Variants in SAMD9 observed in about 807,000 individuals in gnomAD.
The protein encoded by SAMD9 is sterile alpha motif domain containing 9, also known as sterile alpha motif domain-containing protein 9.
Under a neutral mutation model 1.5 loss-of-function variants are expected in SAMD9, and 3 were observed. The ratio of observed to expected loss-of-function variants is 2.05; its 90% confidence interval spans 0.93 to 5.29. The LOEUF (loss-of-function observed/expected upper bound fraction) is 5.29, where lower values mean the gene tolerates loss of function less well. Among genes scored for constraint, SAMD9 ranks in the 30% most tolerant of loss-of-function variants. The pLI, the probability that SAMD9 is intolerant of heterozygous loss-of-function variation, is 0.02. For missense variants in SAMD9, 1,597 were observed against 1,820.8 expected, an observed-to-expected ratio of 0.88 and a Z score of 2.24; for synonymous variants, 635 against 631.9, an observed-to-expected ratio of 1.00 and a Z score of -0.07.
chr7:93,108,504 T>C (rs1280635604), intron 2 of SAMD9, among the ~76,000 whole-genome samples: 1 of 152,172 alleles, frequency 6.6e-6, no homozygotes, highest in African/African-American at 2.4e-5. Flanking sequence ...GGGCAGGGCA[T>C]CGCATCCCAC....
chr7:93,110,882 C>T (rs1365209447), intron 2 of SAMD9, among the ~76,000 whole-genome samples: 34 of 152,188 alleles, frequency 2.2e-4, no homozygotes, highest in Non-Finnish European at 4.4e-4. Flanking sequence ...CCACTGTCAA[C>T]ATTAGACAGA....
chr7:93,105,868 G>T lies in SAMD9; in HGVS notation c.230C>A (p.Thr77Lys), dbSNP rs753119804. 6.2e-7 allele frequency: 1 copy of T among 1,614,096 alleles called. No homozygotes were observed. Among genetic ancestry groups the T allele is most frequent in the South Asian group, 1.1e-5 (1 of 91,072 alleles). Residue 77 changes from threonine to lysine, a missense_variant, in exon 3 of 3, where the codon ACA (threonine) becomes AAA (lysine). Thr to Lys is a moderately conservative substitution (Grantham distance 78). This residue lies in a region of SAMD9 where 498 missense variants were observed against 457.4 expected (regional missense o/e 1.09). Coordinates refer to ENST00000379958, the MANE Select transcript of SAMD9 (RefSeq NM_017654.4). ...TGTCTGAATCGAATCTTCAATGGCT[G>T]TTTTCCGCAATTCTTTGAATAGTTC... Reference protein sequence around the residue: ...IEELFKELRKTAIEDSIQTSK... With the variant: ...IEELFKELRKKAIEDSIQTSK...
Position 93,102,497 on chromosome 7 carries a change from T to C in SAMD9, c.3601A>G (p.Ile1201Val), listed in dbSNP as rs771916377. Residue 1201 changes from isoleucine to valine, a missense_variant, in exon 3 of 3, where the codon ATA becomes GTA. This residue lies in a region of SAMD9 where 682 missense variants were observed against 810.0 expected (regional missense o/e 0.84). Coordinates refer to ENST00000379958, the MANE Select transcript of SAMD9 (RefSeq NM_017654.4). ...TGGATTGTGTAAAGCCCAACTTCTA[T>C]CTCTCCTTGATAACCAGCTATATTG... ...TYNIAGYQGE[I>V]EVGLYTIQIL... 2.5e-6 allele frequency: 4 copies of C among 1,613,758 alleles called. No individual in the cohort carries two copies. Among genetic ancestry groups the C allele is most frequent in the Non-Finnish European group, 3.4e-6 (4 of 1,179,732 alleles).
At position 93,104,367 on chromosome 7, in the gene SAMD9, A is replaced by T. The variant is rs1321655442; in HGVS notation, c.1731T>A (p.Cys577Ter). The T allele has an allele frequency of 6.2e-6, 10 of 1,613,788 alleles. No homozygotes were observed. The highest frequency in any genetic ancestry group is 8.5e-6 in the Non-Finnish European group (10 of 1,179,870). ...ATCCCTGAAATATGTGTGGGTGCAC[A>T]CAAATACACAGTATATTTTCCATTC... ...LKGMENILCI[C>*]VHPHIFQGWK... Residue 577 changes from cysteine to a stop codon, truncating the protein, a stop_gained, in exon 3 of 3, where the codon TGT (cysteine) becomes TGA (stop). Coordinates refer to ENST00000379958, the MANE Select transcript of SAMD9 (RefSeq NM_017654.4). LOFTEE classifies it low-confidence loss of function (END_TRUNC).
intron 2 of SAMD9, among the ~76,000 whole-genome samples, chr7:93,112,185 A>T (rs1352863979): frequency 1.3e-5 from 2 of 152,202 alleles, no homozygotes; most frequent in Admixed American, 1.3e-4. Flanking sequence ...CATCATATAA[A>T]CAGAACCAAA....
intron 2 of SAMD9, among the ~76,000 whole-genome samples, chr7:93,106,640 C>T (rs535856174): frequency 2.6e-4 from 39 of 152,294 alleles, no homozygotes; most frequent in African/African-American, 8.7e-4. Context: ...ATGAGACACA[C>T]ATGAAGCATT....
chr7:93,105,965 C>T lies in SAMD9; in HGVS notation c.133G>A (p.Val45Ile), dbSNP rs1192596060. Residue 45 changes from valine (V) to isoleucine (I), a missense_variant, in exon 3 of 3, where the codon GTC becomes ATC. By Grantham distance (29) the Val-to-Ile change is conservative. This residue lies in a region of SAMD9 where 498 missense variants were observed against 457.4 expected (regional missense o/e 1.09). Transcript: ENST00000379958. ...TGTTCTTTTTTTAACCACTTCAAGA[C>T]TGCTCCATTCACGTCTTGTTCAGTC... ...ILTEQDVNGA[V>I]LKWLKKEHLV... 1 of 1,607,330 alleles carries T rather than the reference C, an allele frequency of 6.2e-7. No homozygotes were observed. The highest frequency in any genetic ancestry group is 1.7e-5 in the Admixed American group (1 of 59,192).
rs1182426012 is a variant in SAMD9 at position 93,101,878 on chromosome 7, G to A, written c.4220C>T (p.Pro1407Leu). ...AAGCTGATCTTTTAGTTTTTCAACT[G>A]GCTTTACTAATCTGGAGGTAGGTTG... is the stretch of plus-strand genomic sequence containing the variant. The part of the protein sequence containing the change: ...CIQPTSRLVK[P>L]VEKLKDQLRE... Residue 1407 changes from proline (P) to leucine (L), a missense_variant, in exon 3 of 3, where the codon CCA becomes CTA. Physicochemically the swap from Pro to Leu is moderately conservative, Grantham distance 98 (BLOSUM62 -3). Coordinates refer to ENST00000379958, the MANE Select transcript of SAMD9 (RefSeq NM_017654.4). 1 of 1,613,792 alleles carries A rather than the reference G, an allele frequency of 6.2e-7. No individual in the cohort carries two copies. Among genetic ancestry groups the A allele is most frequent in the Admixed American group, 1.7e-5 (1 of 60,000 alleles).
intron 2 of SAMD9, among the ~76,000 whole-genome samples, chr7:93,114,137 A>G (rs1791793868): frequency 1.3e-5 from 2 of 152,156 alleles, no homozygotes; most frequent in African/African-American, 4.8e-5. Context: ...GGATGAGTTC[A>G]TGTCCTTTGT....
rs919288120 is a variant in SAMD9 at position 93,103,383 on chromosome 7, C to T, written c.2715G>A (p.Leu905=). The change falls in exon 3 of 3, where the codon CTG becomes CTA. Residue 905 remains leucine (L), a synonymous_variant. Transcript: ENST00000379958. Reference sequence around the variant, plus strand: ...CCTTGGTGAAAATATTCTGCCCTTTCAGGATATTCCGGACCACATTTTCTA... The same window carrying T: ...CCTTGGTGAAAATATTCTGCCCTTTTAGGATATTCCGGACCACATTTTCTA... ...EYIENVVRNI[L]KGQNIFTKEA... The T allele has an allele frequency of 3.1e-6, 5 of 1,613,380 alleles. No individual in the cohort carries two copies. The highest frequency in any genetic ancestry group is 4.2e-6 in the Non-Finnish European group (5 of 1,179,578).
chr7:93,101,046 C>A lies in SAMD9; in HGVS notation c.*282G>T, dbSNP rs1036705256. 6.9e-6 allele frequency: 3 copies of A among 432,210 alleles called. No individual in the cohort carries two copies. Among genetic ancestry groups the A allele is most frequent in the Middle Eastern group, 6.7e-4 (1 of 1,492 alleles). 26.8% of individuals were successfully genotyped at this position (432,210 alleles called of 1,614,324 possible). ...CTGTGTAGCCAGCTTATTACACTAACTTCTCCTGACTCCAGTCATAGCTCC... is the reference window on the plus strand; with the variant it reads ...CTGTGTAGCCAGCTTATTACACTAAATTCTCCTGACTCCAGTCATAGCTCC... On this transcript the variant is annotated 3_prime_UTR_variant, in exon 3 of 3. Transcript: ENST00000379958.
chr7:93,115,149 G>A (rs778817602), intron 1 of SAMD9, among the ~76,000 whole-genome samples: 3 of 152,270 alleles, frequency 2.0e-5, no homozygotes, highest in African/African-American at 4.8e-5. Flanking sequence ...AATGTTTACC[G>A]TAATGGAAAT....
intron 2 of SAMD9, among the ~76,000 whole-genome samples, chr7:93,108,989 A>G (rs1791694205): frequency 6.6e-6 from 1 of 152,188 alleles, no homozygotes; most frequent in Non-Finnish European, 1.5e-5. Context: ...CTGAGAATGG[A>G]CAGGCTGCCT....
chr7:93,112,441 G>A (rs1203683074), intron 2 of SAMD9, among the ~76,000 whole-genome samples: 1 of 152,178 alleles, frequency 6.6e-6, no homozygotes, highest in Admixed American at 6.5e-5. Context: ...ACATAGTGTT[G>A]GAAGTTCTGG....
At chr7:93,111,152 T>A (rs1210081774) in intron 2 of SAMD9, among the ~76,000 whole-genome samples, 1 of 152,030 alleles carries the variant, frequency 6.6e-6, no homozygotes, top group Non-Finnish European at 1.5e-5. Flanking sequence ...ATTAAGAAAC[T>A]CACTCAAAAC....
chr7:93,100,290 T>C lies in SAMD9; in HGVS notation c.*1038A>G, dbSNP rs1791505873. 1 of 152,160 alleles carries C rather than the reference T, an allele frequency of 6.6e-6. No homozygotes were observed. The highest frequency in any genetic ancestry group is 6.5e-5 in the Admixed American group (1 of 15,270). The allele number at this position is 152,160 out of a possible 1,614,324, so 9.4% of individuals were successfully genotyped here. ...ACCTGATCAAATTCAGGTTTAATTA[T>C]TTGGCAAGACCATGTCACGGGTGAT... On this transcript the variant is annotated 3_prime_UTR_variant, in exon 3 of 3. Transcript: ENST00000379958.
intron 2 of SAMD9, among the ~76,000 whole-genome samples, chr7:93,108,367 G>A (rs1260590467): frequency 6.6e-6 from 1 of 152,224 alleles, no homozygotes; most frequent in East Asian, 1.9e-4. Flanking sequence ...AACAGCTCCA[G>A]TCTACAGATC....
At position 93,105,192 on chromosome 7, in the gene SAMD9, T is replaced by C; in HGVS notation, c.906A>G (p.Arg302=). ...GAATAATGTCCACTTCAATAACAAA[T>C]CTGTCAGATAGAGTACTATTTGGCA... is the stretch of plus-strand genomic sequence containing the variant. ...VLLPNSTLSD[R]FVIEVDIIPQ... The change falls in exon 3 of 3, where the codon AGA becomes AGG. Residue 302 remains arginine (R), a synonymous_variant. Coordinates refer to ENST00000379958, the MANE Select transcript of SAMD9 (RefSeq NM_017654.4). 1 of 1,613,864 alleles carries C rather than the reference T, an allele frequency of 6.2e-7. No individual in the cohort carries two copies. The highest frequency in any genetic ancestry group is 8.5e-7 in the Non-Finnish European group (1 of 1,179,954).
At chr7:93,110,842 C>T (rs1791729677) in intron 2 of SAMD9, among the ~76,000 whole-genome samples, 2 of 152,122 alleles carry the variant, frequency 1.3e-5, no homozygotes, top group South Asian at 4.1e-4. Context: ...CTTAGACTCC[C>T]ACACAATAAT....
Sources: gnomAD v4.1 joint callset for allele counts (sites outside exome capture counted in the v4.1 genomes callset) on GRCh38, gnomAD v4.1.1 for gene constraint, gnomAD v4.1.1 regional missense constraint, MANE v1.5 for transcripts, NCBI Gene and HGNC (gene_info 2026-07-23, HGNC 2026-07-21) for gene names.